Variants in DCLRE1B observed in about 807,000 individuals in gnomAD.
DCLRE1B encodes the protein 5' exonuclease Apollo.
In DCLRE1B, 6 loss-of-function variants were observed where a neutral mutation model predicts 19.8. That is an observed-to-expected ratio of 0.30 (90% CI 0.17 to 0.60). DCLRE1B has a LOEUF of 0.60. Among genes scored for constraint, DCLRE1B ranks in the 20% least tolerant of loss-of-function variants. The probability of loss-of-function intolerance (pLI) is 0.87; values close to 1 mark genes in which losing one functional copy is unlikely to be tolerated. For synonymous variants in DCLRE1B, 258 were observed against 255.7 expected, an observed-to-expected ratio of 1.01 and a Z score of -0.09; for missense variants, 622 against 654.2, an observed-to-expected ratio of 0.95 and a Z score of 0.54.
At position 113,912,371 on chromosome 1, in the gene DCLRE1B, G is replaced by A; in HGVS notation, c.*180G>A. ...TGTTCACTGGGGTCCTCGTGCCTAT[G>A]GAATCCTTCTTTTTATAACTAAGTT... On this transcript the variant is annotated 3_prime_UTR_variant, in exon 4 of 4. Transcript: ENST00000650450. The A allele has an allele frequency of 1.9e-6, 1 of 522,310 alleles. No individual in the cohort carries two copies. Among genetic ancestry groups the A allele is most frequent in the Non-Finnish European group, 3.3e-6 (1 of 306,034 alleles). The allele number at this position is 522,310 out of a possible 1,614,324, so 32.4% of individuals were successfully genotyped here.
chr1:113,913,994 T>A lies in DCLRE1B; in HGVS notation c.*1803T>A, dbSNP rs1220307440. On this transcript the variant is annotated 3_prime_UTR_variant, in exon 4 of 4. Transcript: ENST00000650450. Reference sequence around the variant, plus strand: ...TTAATATTTGTATAATACCCTATCATGTGAGTATACCTTAACTAAGCCATT... The same window carrying A: ...TTAATATTTGTATAATACCCTATCAAGTGAGTATACCTTAACTAAGCCATT... 6.6e-6 allele frequency: 1 copy of A among 152,254 alleles called. No homozygotes were observed. The highest frequency in any genetic ancestry group is 2.4e-5 in the African/African-American group (1 of 41,464). The allele number at this position is 152,254 out of a possible 1,614,324, so 9.4% of individuals were successfully genotyped here.
chr1:113,906,046 CTTTTTTTTTTTT>C (rs1159693224), intron 1 of DCLRE1B, among the ~76,000 whole-genome samples: 12 of 68,106 alleles, frequency 1.8e-4, no homozygotes, highest in Non-Finnish European at 2.8e-4. Flanking sequence ...CCAAACTTGC[CTTTTTTTTTTTT>C]TTTTTTTTTT....
intron 2 of DCLRE1B, 54 bp downstream of exon 2, chr1:113,907,215 T>A (rs1037410533): frequency 0.019 from 20,602 of 1,096,724 alleles, 173 homozygotes; most frequent in East Asian, 0.085. Context: ...TTTTTTTTTT[T>A]TTTTTTTTTT....
At chr1:113,904,654 TGTGAGG>T, upstream of DCLRE1B, 1 of 1,613,502 alleles carries the variant, frequency 6.2e-7, no homozygotes, top group Non-Finnish European at 8.5e-7. Context: ...TCAGCTTGAA[TGTGAGG>T]ATTGCACAGA....
chr1:113,906,882 C>G, intron 1 of DCLRE1B, 114 bp from the exon 2 acceptor site: 1 of 1,164,010 alleles, frequency 8.6e-7, no homozygotes. Flanking sequence ...AGCTTCTGCT[C>G]CCGGTGGCTC....
intron 3 of DCLRE1B, 140 bp downstream of exon 3, chr1:113,908,331 G>A: frequency 8.5e-7 from 1 of 1,174,114 alleles, no homozygotes. Flanking sequence ...AACCTGGCTA[G>A]GTGTGGTGGT....
chr1:113,906,233 T>A (rs909382402), intron 1 of DCLRE1B, among the ~76,000 whole-genome samples: 1 of 151,306 alleles, frequency 6.6e-6, no homozygotes, highest in Admixed American at 6.6e-5. Flanking sequence ...ATTTTTTGTA[T>A]TTTTTGTGGA....
At chr1:113,907,223 T>A in intron 2 of DCLRE1B, 62 bp downstream of exon 2, 2 of 1,333,972 alleles carry the variant, frequency 1.5e-6, no homozygotes, top group Admixed American at 2.6e-5. Context: ...TTTTTTTTTT[T>A]TTTTTTTTTT....
intron 2 of DCLRE1B, 39 bp downstream of exon 2, chr1:113,907,200 AGATGTT>A: frequency 3.2e-6 from 1 of 314,568 alleles, no homozygotes; most frequent in Non-Finnish European, 5.0e-6. Flanking sequence ...TCTCCAGACT[AGATGTT>A]TTTTTTTTTT....
upstream of DCLRE1B, chr1:113,905,087 T>C (rs780530733): frequency 2.1e-5 from 8 of 372,550 alleles, no homozygotes; most frequent in Non-Finnish European, 4.1e-5. Flanking sequence ...GCCGTTCTCA[T>C]CGCGGATAGG....
At chr1:113,908,320 C>T in intron 3 of DCLRE1B, 129 bp downstream of exon 3, 4 of 1,270,926 alleles carry the variant, frequency 3.1e-6, no homozygotes, top group Non-Finnish European at 4.3e-6. Flanking sequence ...TTTAAAATTG[C>T]AACCTGGCTA....
intron 3 of DCLRE1B, among the ~76,000 whole-genome samples, chr1:113,909,848 AAT>A (rs1222055223): frequency 6.6e-6 from 1 of 152,094 alleles, no homozygotes; most frequent in African/African-American, 2.4e-5. Flanking sequence ...TGGAAGTGGG[AAT>A]ATATATAGAG....
rs1198058471 is a variant in DCLRE1B at position 113,908,204 on chromosome 1, C to T, written c.538+13C>T. 1.2e-6 allele frequency: 2 copies of T among 1,610,106 alleles called. No homozygotes were observed. Among genetic ancestry groups the T allele is most frequent in the African/African-American group, 1.3e-5 (1 of 74,900 alleles). ...AACATAAAGATTGGTGAGTTGTTTC[C>T]TTTCAGTTTCCTGTCACCTGTAGAT... On this transcript the variant is annotated intron_variant, in intron 3 of 3. Coordinates refer to ENST00000650450, the MANE Select transcript of DCLRE1B (RefSeq NM_022836.4).
rs976637205 is a variant in DCLRE1B at position 113,912,073 on chromosome 1, C to T, written c.1481C>T (p.Ala494Val). Residue 494 changes from alanine to valine, a missense_variant, in exon 4 of 4, where the codon GCT becomes GTT. By Grantham distance (64) the Ala-to-Val change is moderately conservative. Transcript: ENST00000650450. ...SHSSKGTPLL[A>V]TEFRGLALKY... ...AGCAGCAAGGGCACCCCTCTTCTAG[C>T]TACTGAATTCAGGGGTCTAGCACTC... is the stretch of plus-strand genomic sequence containing the variant. 1 of 1,614,144 alleles carries T rather than the reference C, an allele frequency of 6.2e-7. No homozygotes were observed. The highest frequency in any genetic ancestry group is 8.5e-7 in the Non-Finnish European group (1 of 1,180,060).
rs1427132628 is a variant in DCLRE1B, at chr1:113,913,102, CTGTT to C, written c.*917_*920del. 2.0e-5 allele frequency: 3 copies of C among 152,850 alleles called. No individual in the cohort carries two copies. The highest frequency in any genetic ancestry group is 4.4e-5 in the Non-Finnish European group (3 of 68,104). The allele number at this position is 152,850 out of a possible 1,614,324, so 9.5% of individuals were successfully genotyped here. On this transcript the variant is annotated 3_prime_UTR_variant, in exon 4 of 4. Coordinates refer to ENST00000650450, the MANE Select transcript of DCLRE1B (RefSeq NM_022836.4). ...TATGTAGGGAGCCAGTGCACACAGC[CTGTT>C]TGTTTTAGTATCCAAGGAAGAGACC...
chr1:113,905,550 T>G lies in DCLRE1B; in HGVS notation c.-37T>G. ...GCCTCACGCAGGAGCCCTGCCCCCG[T>G]GGAGAAGATCCCACTGGTGACTCCA... is the stretch of plus-strand genomic sequence containing the variant. On this transcript the variant is annotated 5_prime_UTR_variant, in exon 1 of 4. Coordinates refer to ENST00000650450, the MANE Select transcript of DCLRE1B (RefSeq NM_022836.4). 6.9e-6 allele frequency: 11 copies of G among 1,600,838 alleles called. No individual in the cohort carries two copies. Among genetic ancestry groups the G allele is most frequent in the African/African-American group, 1.3e-5 (1 of 74,442 alleles).
Sources: gnomAD v4.1 joint callset for allele counts (sites outside exome capture counted in the v4.1 genomes callset) on GRCh38, gnomAD v4.1.1 for gene constraint, MANE v1.5 for transcripts, NCBI Gene and HGNC (gene_info 2026-07-23, HGNC 2026-07-21) for gene names.